The following IFT140 variants were observed in gnomAD, a reference collection of about 807,000 sequenced individuals.
IFT140 encodes the protein intraflagellar transport protein 140 homolog.
IFT140 carries 133 observed loss-of-function variants against 164.6 expected under a neutral mutation model. The ratio of observed to expected loss-of-function variants is 0.81; its 90% CI spans 0.70 to 0.93. The LOEUF is 0.93. Ranked by LOEUF, IFT140 falls within the 40% of genes least tolerant of loss-of-function variation. IFT140 has a pLI of 0.00. For synonymous variants in IFT140, 860 were observed against 817.3 expected (o/e 1.05, Z -0.89); for missense variants, 2,045 against 1,972.3 (o/e 1.04, Z -0.70).
chr16:1,587,280 C>A lies in IFT140; in HGVS notation c.927G>T (p.Glu309Asp). ...TCTCATCTGGACTCAGTATATAATT[C>A]TCTCCTCGTTCTATGTCCCAGAATC... ...ALRFWDIERG[E>D]NYILSPDEKF... Residue 309 changes from glutamate to aspartate, a missense_variant, in exon 9 of 31, where the codon GAG (glutamate) becomes GAT (aspartate). Glu to Asp is a conservative substitution (Grantham distance 45). Coordinates refer to ENST00000426508, the MANE Select transcript of IFT140 (RefSeq NM_014714.4). 2 of 1,611,982 alleles carry A rather than the reference C, an allele frequency of 1.2e-6. No individual in the cohort carries two copies. Among genetic ancestry groups the A allele is most frequent in the East Asian group, 2.2e-5 (1 of 44,880 alleles).
intron 29 of IFT140, 95 bp from the exon 30 acceptor site, chr16:1,518,452 T>C: frequency 7.9e-7 from 1 of 1,268,798 alleles, no homozygotes; most frequent in South Asian, 1.7e-5. Context: ...AGAGGAGCTC[T>C]CCGGAATGGC....
At chr16:1,517,029 T>C (rs1349950936) in intron 30 of IFT140, among the ~76,000 whole-genome samples, 4 of 152,092 alleles carry the variant, frequency 2.6e-5, no homozygotes, top group Non-Finnish European at 5.9e-5. Context: ...GGGATGGTAC[T>C]GTATATACAA....
intron 19 of IFT140, among the ~76,000 whole-genome samples, chr16:1,557,345 C>G (rs889785175): frequency 1.3e-5 from 2 of 152,222 alleles, no homozygotes; most frequent in Non-Finnish European, 2.9e-5. Context: ...GTCCTGCACC[C>G]TCTCGGACAC....
At chr16:1,550,103 A>G (rs994565620) in intron 19 of IFT140, among the ~76,000 whole-genome samples, 1 of 151,880 alleles carries the variant, frequency 6.6e-6, no homozygotes, top group Admixed American at 6.6e-5. Context: ...ACGCCCAGCT[A>G]ATTATTTGTA....
chr16:1,547,375 C>T lies in IFT140; in HGVS notation c.2399+10560G>A, dbSNP rs137868999. Among the ~76,000 whole-genome samples, 104 of 152,260 alleles carry T rather than the reference C, an allele frequency of 6.8e-4. 2 individuals are homozygous for T. Among genetic ancestry groups the T allele is most frequent in the East Asian group, 5.8e-3 (30 of 5,182 alleles). ...AATGGCATTTAGGTTTTCCTGGAGACGCTGACTTTATCAGTCCTTAAATGG... is the reference window on the plus strand; with the variant it reads ...AATGGCATTTAGGTTTTCCTGGAGATGCTGACTTTATCAGTCCTTAAATGG... On this transcript the variant is annotated intron_variant, in intron 19 of 30. Coordinates refer to ENST00000426508, the MANE Select transcript of IFT140 (RefSeq NM_014714.4).
At chr16:1,511,311 TGTG>T (rs771656733) in intron 30 of IFT140, among the ~76,000 whole-genome samples, 161 bp from the exon 31 acceptor site, 11 of 152,076 alleles carry the variant, frequency 7.2e-5, no homozygotes, top group Non-Finnish European at 1.0e-4. Context: ...GATGGGGGAA[TGTG>T]GTGATGAGGG....
At chr16:1,567,994 G>T (rs140608792) in intron 15 of IFT140, among the ~76,000 whole-genome samples, 106 of 152,352 alleles carry the variant, frequency 7.0e-4, no homozygotes, top group Non-Finnish European at 1.3e-3. Context: ...AAGATGGCAG[G>T]TCGGGGAGGA....
chr16:1,549,613 G>C (rs185661294), intron 19 of IFT140, among the ~76,000 whole-genome samples: 53 of 152,056 alleles, frequency 3.5e-4, no homozygotes, highest in Middle Eastern at 3.4e-3. Context: ...TGTACCTTTA[G>C]TAGAGATGGG....
intron 13 of IFT140, chr16:1,576,602 A>AC (rs896485492): frequency 6.6e-5 from 10 of 151,984 alleles, no homozygotes; most frequent in Non-Finnish European, 4.4e-5. Flanking sequence ...AAAAAAAAAA[A>AC]AAACAAATTT....
chr16:1,548,550 G>A (rs2032365933), intron 19 of IFT140, among the ~76,000 whole-genome samples: 2 of 152,302 alleles, frequency 1.3e-5, no homozygotes, highest in South Asian at 2.1e-4. Flanking sequence ...CCTTACATTT[G>A]TTTCTAGACA....
In IFT140 at chr16:1,572,372, C is replaced by A. The variant is rs141642856; in HGVS notation, c.1525-838G>T. ...TAGAAAGCATGCCCCACAGGCCGGG[C>A]GCGGTGGCTCACGCCTGTAATCCCA... On this transcript the variant is annotated intron_variant, in intron 13 of 30. Transcript: ENST00000426508. Among the ~76,000 whole-genome samples, 511 of 152,332 alleles carry A rather than the reference C, an allele frequency of 3.4e-3. 1 individual carries two copies. Among genetic ancestry groups the A allele is most frequent in the African/African-American group, 0.011 (451 of 41,574 alleles).
At chr16:1,530,133 CTTTTTTTTTTTTT>C (rs922819138) in intron 19 of IFT140, among the ~76,000 whole-genome samples, 2 of 88,596 alleles carry the variant, frequency 2.3e-5, no homozygotes, top group Non-Finnish European at 4.1e-5. Flanking sequence ...CGACGGGAAT[CTTTTTTTTTTTTT>C]TTTTTTTTTT....
intron 2 of IFT140, among the ~76,000 whole-genome samples, chr16:1,608,911 T>G (rs989719638): frequency 6.6e-5 from 10 of 151,968 alleles, no homozygotes; most frequent in Non-Finnish European, 1.5e-4. Context: ...ATCCCAGCAC[T>G]TTGGGAGGCC....
At chr16:1,608,633 A>G (rs898420938) in intron 2 of IFT140, among the ~76,000 whole-genome samples, 13 of 146,522 alleles carry the variant, frequency 8.9e-5, no homozygotes, top group Non-Finnish European at 1.5e-4. Context: ...CTCCGCCTCA[A>G]AAAAAAAAAA....
intron 19 of IFT140, among the ~76,000 whole-genome samples, chr16:1,546,418 C>T (rs1240087227): frequency 3.3e-5 from 5 of 152,192 alleles, no homozygotes; most frequent in Non-Finnish European, 7.3e-5. Context: ...CCCTGGTCAG[C>T]TGTGAGTGCC....
intron 19 of IFT140, among the ~76,000 whole-genome samples, chr16:1,544,837 ACGGGGTTTCAC>A (rs1384393333): frequency 3.6e-4 from 55 of 151,098 alleles, no homozygotes; most frequent in African/African-American, 1.3e-3. Flanking sequence ...TTTAGTAGAG[ACGGGGTTTCAC>A]CGTGTTAGCC....
chr16:1,537,754 C>A (rs1346317102), intron 19 of IFT140, among the ~76,000 whole-genome samples: 1 of 152,256 alleles, frequency 6.6e-6, no homozygotes, highest in East Asian at 1.9e-4. Context: ...AACAAGGTGG[C>A]TTGGGAACAG....
At chr16:1,529,017 G>A (rs1410149432) in intron 19 of IFT140, among the ~76,000 whole-genome samples, 1 of 152,212 alleles carries the variant, frequency 6.6e-6, no homozygotes, top group Non-Finnish European at 1.5e-5. Flanking sequence ...CGGTGCACTT[G>A]TGTCTGAGTC....
At chr16:1,591,923 C>T in intron 6 of IFT140, among the ~76,000 whole-genome samples, 1 of 152,212 alleles carries the variant, frequency 6.6e-6, no homozygotes, top group East Asian at 1.9e-4. Flanking sequence ...TAAAAGCCTC[C>T]TCATGAAAAC....
Sources: allele counts gnomAD v4.1 joint callset (sites outside exome capture counted in the v4.1 genomes callset), GRCh38; gene constraint gnomAD v4.1.1; transcripts MANE v1.5; gene names NCBI Gene and HGNC (gene_info 2026-07-23, HGNC 2026-07-21).